SHISAL1: variants seen among roughly 807,000 people sequenced by gnomAD.
The protein encoded by SHISAL1 is protein shisa-like-1.
In SHISAL1, 9 loss-of-function variants were observed where a neutral mutation model predicts 22.6. The observed-to-expected ratio is 0.40, with a 90% CI of 0.24 to 0.70. The LOEUF is 0.70. SHISAL1 is among the 30% of genes least tolerant of loss of function. The pLI, the probability that SHISAL1 is intolerant of heterozygous loss-of-function variation, is 0.39. For synonymous variants in SHISAL1, 119 were observed against 115.4 expected (o/e 1.03, Z -0.20); for missense variants, 246 against 270.6 (o/e 0.91, Z 0.64).
At chr22:44,288,491 AG>A (rs1241321735) in intron 3 of SHISAL1, among the ~76,000 whole-genome samples, 1 of 151,918 alleles carries the variant, frequency 6.6e-6, no homozygotes, top group African/African-American at 2.4e-5. Flanking sequence ...AAAAAAAAAA[AG>A]TTGCTGGGTG....
chr22:44,323,016 ATGCAT>A, the SHISAL1 span, among the ~76,000 whole-genome samples: 7 of 145,328 alleles, frequency 4.8e-5, no homozygotes, highest in African/African-American at 1.8e-4. Flanking sequence ...TCATCCATCC[ATGCAT>A]CCATCCACCA....
At chr22:44,309,701 C>T (rs971200933) in intron 1 of SHISAL1, among the ~76,000 whole-genome samples, 1 of 152,200 alleles carries the variant, frequency 6.6e-6, no homozygotes, top group African/African-American at 2.4e-5. Flanking sequence ...CATGTACACA[C>T]GTGTGCACAT....
At chr22:44,258,852 CAATT>C (rs1160344509) in intron 4 of SHISAL1, among the ~76,000 whole-genome samples, 1 of 152,038 alleles carries the variant, frequency 6.6e-6, no homozygotes, top group Middle Eastern at 3.4e-3. Context: ...GCATCACACT[CAATT>C]AACATGTAAG....
rs560071333 is a variant in SHISAL1 at position 44,243,877 on chromosome 22, A to C, written c.*5808T>G. On this transcript the variant is annotated 3_prime_UTR_variant, in exon 5 of 5. Coordinates refer to ENST00000381176, the MANE Select transcript of SHISAL1 (RefSeq NM_001099294.2). ...CCCATGCCTGCTCACATGAAGTCAG[A>C]GTTTACGGGAGAGAAAATATTTCCA... The C allele has an allele frequency of 6.6e-6, 1 of 152,298 alleles. No homozygotes were observed. The highest frequency in any genetic ancestry group is 2.1e-4 in the South Asian group (1 of 4,822). The allele number at this position is 152,298 out of a possible 1,614,324, so 9.4% of individuals were successfully genotyped here.
chr22:44,274,838 G>A (rs567819639), intron 4 of SHISAL1, among the ~76,000 whole-genome samples: 7 of 152,138 alleles, frequency 4.6e-5, no homozygotes, highest in Admixed American at 1.3e-4. Context: ...AATAATAGTC[G>A]CAATAATAAT....
chr22:44,283,223 A>G (rs1601791686), intron 4 of SHISAL1, among the ~76,000 whole-genome samples: 1 of 151,974 alleles, frequency 6.6e-6, no homozygotes, highest in East Asian at 1.9e-4. Context: ...ACCTTTTTTC[A>G]CGCTCACAGG....
At chr22:44,303,007 T>C (rs6519835) in intron 1 of SHISAL1, among the ~76,000 whole-genome samples, 2 of 124,910 alleles carry the variant, frequency 1.6e-5, no homozygotes, top group Admixed American at 1.6e-4. Flanking sequence ...CTGAGGGGAC[T>C]AGATTACTTA....
intron 4 of SHISAL1, among the ~76,000 whole-genome samples, chr22:44,266,578 ATGTGTGTGTTGGAGGCTCTGGTGTGTG>A (rs2055165810): frequency 8.7e-6 from 1 of 114,862 alleles, no homozygotes; most frequent in Non-Finnish European, 1.9e-5. Context: ...TCTGGTGTGT[ATGTGTGTGTTGGAGGCTCTGGTGTGTG>A]TGTTGGGGGG....
At chr22:44,253,977 C>A (rs1214417936) in intron 4 of SHISAL1, among the ~76,000 whole-genome samples, 1 of 152,002 alleles carries the variant, frequency 6.6e-6, no homozygotes, top group Non-Finnish European at 1.5e-5. Context: ...TCTCTAATCA[C>A]AATATACTAG....
chr22:44,256,615 C>T (rs547276109), intron 4 of SHISAL1, among the ~76,000 whole-genome samples: 108 of 152,308 alleles, frequency 7.1e-4, no homozygotes, highest in African/African-American at 1.8e-3. Context: ...CTATCTCAAA[C>T]GCATTATCAC....
chr22:44,286,514 C>G (rs930428201), intron 3 of SHISAL1, among the ~76,000 whole-genome samples: 1 of 152,206 alleles, frequency 6.6e-6, no homozygotes, highest in Non-Finnish European at 1.5e-5. Flanking sequence ...CTCCAGCACC[C>G]GGCCTTTGCA....
the SHISAL1 span, among the ~76,000 whole-genome samples, chr22:44,327,163 G>A: frequency 6.6e-6 from 1 of 151,830 alleles, no homozygotes; most frequent in African/African-American, 2.4e-5. Flanking sequence ...AGCACACGAG[G>A]CTCAGGCCTG....
chr22:44,298,787 G>C (rs1047563383), intron 2 of SHISAL1, among the ~76,000 whole-genome samples: 1 of 152,190 alleles, frequency 6.6e-6, no homozygotes, highest in Admixed American at 6.5e-5. Context: ...GGGCAGGCCC[G>C]GCGAGGTTGG....
rs59772369 is a variant in SHISAL1 at position 44,276,260 on chromosome 22, A to G, written c.599+9168T>C. 4.9e-3 allele frequency among the ~76,000 whole-genome samples: 748 copies of G among 152,126 alleles called. 4 individuals carry two copies. The highest frequency in any genetic ancestry group is 0.017 in the African/African-American group (711 of 41,502). ...GGAGTGAGCCCTGCTGGGATCCAGG[A>G]GGAGAGAGGTCTGGGTGGAGGGAAC... On this transcript the variant is annotated intron_variant, in intron 4 of 4. Transcript: ENST00000381176.
chr22:44,297,003 C>A (rs1239144743), intron 2 of SHISAL1, 118 bp from the exon 3 acceptor site: 2 of 745,046 alleles, frequency 2.7e-6, no homozygotes, highest in Admixed American at 4.5e-5. Flanking sequence ...CCCCTGGATG[C>A]CTTTGTGGTC....
intron 4 of SHISAL1, among the ~76,000 whole-genome samples, chr22:44,276,455 C>T (rs2055240216): frequency 6.6e-6 from 1 of 151,736 alleles, no homozygotes; most frequent in South Asian, 2.1e-4. Context: ...TAAAAGATCA[C>T]GCTGCTGCTG....
the SHISAL1 span, among the ~76,000 whole-genome samples, chr22:44,319,304 T>C: frequency 6.6e-6 from 1 of 152,154 alleles, no homozygotes; most frequent in Non-Finnish European, 1.5e-5. Context: ...TCGGAGAGAT[T>C]GTGTTGCCTG....
chr22:44,311,304 T>C (rs1272655623), intron 1 of SHISAL1, among the ~76,000 whole-genome samples: 1 of 152,182 alleles, frequency 6.6e-6, no homozygotes, highest in African/African-American at 2.4e-5. Flanking sequence ...CGAAGGGTGC[T>C]GGCCTGGGTG....
upstream of SHISAL1, among the ~76,000 whole-genome samples, chr22:44,314,148 C>T (rs1195754543): frequency 8.2e-5 from 12 of 146,928 alleles, no homozygotes; most frequent in Non-Finnish European, 1.3e-4. Flanking sequence ...TGGCTGGGGA[C>T]TCAGACCAGG....
Sources: gnomAD v4.1 joint callset for allele counts (sites outside exome capture counted in the v4.1 genomes callset) on GRCh38, gnomAD v4.1.1 for gene constraint, MANE v1.5 for transcripts, NCBI Gene and HGNC (gene_info 2026-07-23, HGNC 2026-07-21) for gene names.